The following SUMO3 variants were observed in gnomAD, a reference collection of about 807,000 sequenced individuals.
SUMO3 encodes the protein small ubiquitin like modifier 3, also known as small ubiquitin-related modifier 3.
Under a neutral mutation model 11.1 loss-of-function variants are expected in SUMO3, and 2 were observed. The ratio of observed to expected loss-of-function variants is 0.18; its 90% CI spans 0.07 to 0.57. The LOEUF is 0.57. Among genes scored for constraint, SUMO3 ranks in the 20% least tolerant of loss-of-function variants. The pLI is 0.92. For synonymous variants in SUMO3, 56 were observed against 53.5 expected, an observed-to-expected ratio of 1.05 and a Z score of -0.20; for missense variants, 70 against 132.8, an observed-to-expected ratio of 0.53 and a Z score of 2.32.
At position 44,810,530 on chromosome 21, in the gene SUMO3, G is replaced by C. The variant is rs1382007787; in HGVS notation, c.151-1412C>G. On this transcript the variant is annotated intron_variant, in intron 2 of 3. Transcript: ENST00000332859. The surrounding 1 kb of genome is among the most constrained non-coding windows in gnomAD (Gnocchi z 4.1). ...TGCTTTCTGAGAAGGTGGGTGCGGA[G>C]CTCCAGGCGCAGGGCGGAAACAGGC... Among the ~76,000 whole-genome samples the C allele has an allele frequency of 6.6e-6, 1 of 152,220 alleles. No individual in the cohort carries two copies. Among genetic ancestry groups the C allele is most frequent in the Non-Finnish European group, 1.5e-5 (1 of 68,038 alleles).
intron 1 of SUMO3, among the ~76,000 whole-genome samples, chr21:44,814,469 C>T (rs926850969): frequency 3.3e-5 from 5 of 152,202 alleles, no homozygotes; most frequent in East Asian, 1.9e-4. Context: ...TGGGAGTTGA[C>T]GTGGGAGGAT....
At position 44,811,500 on chromosome 21, in the gene SUMO3, G is replaced by A. The variant is rs546726779; in HGVS notation, c.151-2382C>T. Among the ~76,000 whole-genome samples the A allele has an allele frequency of 6.8e-4, 104 of 152,082 alleles. No homozygotes were observed. The highest frequency in any genetic ancestry group is 1.3e-3 in the Non-Finnish European group (90 of 67,984). ...GGTGGGAGGATCACTTGAGCCCCAG[G>A]GCTCAAGGCTGCAGTGAACCATGAT... On this transcript the variant is annotated intron_variant, in intron 2 of 3. Coordinates refer to ENST00000332859, the MANE Select transcript of SUMO3 (RefSeq NM_006936.3). The surrounding 1 kb of genome is among the most constrained non-coding windows in gnomAD (Gnocchi z 5.0).
intron 1 of SUMO3, among the ~76,000 whole-genome samples, chr21:44,816,838 A>G (rs758563955): frequency 1.3e-4 from 17 of 134,380 alleles, no homozygotes; most frequent in Non-Finnish European, 2.7e-4. Context: ...GGCGCAATGC[A>G]GAGAAGTGGG....
intron 2 of SUMO3, 93 bp from the exon 3 acceptor site, chr21:44,809,211 G>A (rs2083196012): frequency 1.6e-6 from 2 of 1,231,024 alleles, no homozygotes; most frequent in Non-Finnish European, 1.2e-6. Flanking sequence ...CCCTGGAGAG[G>A]AAAAGCAGTG....
intron 2 of SUMO3, among the ~76,000 whole-genome samples, chr21:44,813,174 C>T (rs1052028476): frequency 1.6e-4 from 25 of 152,226 alleles, no homozygotes; most frequent in African/African-American, 5.8e-4. Context: ...AATAAAAGGG[C>T]AACGAGTTGC....
rs930014446 is a variant in SUMO3, at chr21:44,810,333, C to G, written c.151-1215G>C. ...CTACTGAGGCGTGGACACTGGTGGT[C>G]TGATGGACACTGGACCAGGATCCTA... On this transcript the variant is annotated intron_variant, in intron 2 of 3. Transcript: ENST00000332859. This position sits in a 1 kb window ranked among gnomAD's most constrained non-coding sequence, Gnocchi z 4.1. Among the ~76,000 whole-genome samples, 1 of 152,196 alleles carries G rather than the reference C, an allele frequency of 6.6e-6. No individual in the cohort carries two copies. Among genetic ancestry groups the G allele is most frequent in the African/African-American group, 2.4e-5 (1 of 41,452 alleles).
intron 1 of SUMO3, 124 bp from the exon 2 acceptor site, chr21:44,814,228 T>C (rs1216345009): frequency 7.7e-7 from 1 of 1,302,322 alleles, no homozygotes; most frequent in African/African-American, 1.5e-5. Flanking sequence ...TTCTTAAAAT[T>C]CTCCAGCAAT....
In SUMO3 at chr21:44,810,119, G is replaced by A. The variant is rs748103023; in HGVS notation, c.151-1001C>T. Among the ~76,000 whole-genome samples, 5 of 152,142 alleles carry A rather than the reference G, an allele frequency of 3.3e-5. No individual in the cohort carries two copies. Among genetic ancestry groups the A allele is most frequent in the Admixed American group, 6.5e-5 (1 of 15,284 alleles). ...TGAGGGAATGGAGAAATGTGGTCAG[G>A]GGCAGAAACATTTCCTCAACGAGCA... On this transcript the variant is annotated intron_variant, in intron 2 of 3. Transcript: ENST00000332859. This position sits in a 1 kb window ranked among gnomAD's most constrained non-coding sequence, Gnocchi z 4.1.
At chr21:44,816,232 G>A (rs1397444615) in intron 1 of SUMO3, among the ~76,000 whole-genome samples, 1 of 152,200 alleles carries the variant, frequency 6.6e-6, no homozygotes. Flanking sequence ...TTAAGAGGAA[G>A]CCACCTACAA....
chr21:44,815,394 C>G (rs929825955), intron 1 of SUMO3, among the ~76,000 whole-genome samples: 3 of 152,276 alleles, frequency 2.0e-5, no homozygotes, highest in African/African-American at 4.8e-5. Context: ...GGTGCGTGTC[C>G]TGGGGCGGCA....
chr21:44,808,421 G>A lies in SUMO3; in HGVS notation c.222+626C>T, dbSNP rs539877522. Reference sequence around the variant, plus strand: ...CCAGCTACTTGGGAGGCTGAGGCAGGAGAATGGCGTGAACTCAGGAGGCAG... The same window carrying A: ...CCAGCTACTTGGGAGGCTGAGGCAGAAGAATGGCGTGAACTCAGGAGGCAG... On this transcript the variant is annotated intron_variant, in intron 3 of 3. Transcript: ENST00000332859. The A allele has an allele frequency of 9.5e-6, 11 of 1,152,088 alleles. No homozygotes were observed. The African/African-American group carries it at 1.1e-4, about 12-fold the overall frequency. The allele number at this position is 1,152,088 out of a possible 1,614,324, so 71.4% of individuals were successfully genotyped here. A position where few individuals can be genotyped will look rare whatever the true frequency, so the allele number is the denominator to read the frequency against.
rs923711341 is a variant in SUMO3, at chr21:44,807,204, T to C, written c.223-164A>G. ...TCCCCTCACTGCAGCTCAGCACGCA[T>C]GGAAGAGGCATTGCTGTATGCTCAC... is the stretch of plus-strand genomic sequence containing the variant. On this transcript the variant is annotated intron_variant, in intron 3 of 3. Coordinates refer to ENST00000332859, the MANE Select transcript of SUMO3 (RefSeq NM_006936.3). The surrounding 1 kb of genome is among the most constrained non-coding windows in gnomAD (Gnocchi z 4.3). 2.0e-5 allele frequency among the ~76,000 whole-genome samples: 3 copies of C among 152,156 alleles called. No homozygotes were observed. In the East Asian group the frequency reaches 5.8e-4, roughly 29 times the overall value.
chr21:44,815,130 C>T (rs2083236012), intron 1 of SUMO3, among the ~76,000 whole-genome samples: 2 of 152,246 alleles, frequency 1.3e-5, no homozygotes, highest in Admixed American at 1.3e-4. Flanking sequence ...AAGCACTGTA[C>T]ATCACACGCC....
At chr21:44,815,562 T>C (rs975309595) in intron 1 of SUMO3, among the ~76,000 whole-genome samples, 2 of 152,086 alleles carry the variant, frequency 1.3e-5, no homozygotes, top group African/African-American at 2.4e-5. Flanking sequence ...AGGAAGAGCA[T>C]GCAAACAGCT....
At chr21:44,817,692 C>A (rs561884767) in intron 1 of SUMO3, among the ~76,000 whole-genome samples, 3 of 149,976 alleles carry the variant, frequency 2.0e-5, no homozygotes, top group Admixed American at 2.0e-4. Flanking sequence ...CGCGCCTTCC[C>A]AGCTGGGGAG....
In SUMO3 at chr21:44,812,029, A is replaced by C. The variant is rs983104576; in HGVS notation, c.150+1947T>G. On this transcript the variant is annotated intron_variant, in intron 2 of 3. Coordinates refer to ENST00000332859, the MANE Select transcript of SUMO3 (RefSeq NM_006936.3). Reference sequence around the variant, plus strand: ...CCAAGTTACAAACAAAGCACAGAGAATCAGAATCCACTGAACTTCTCACCT... The same window carrying C: ...CCAAGTTACAAACAAAGCACAGAGACTCAGAATCCACTGAACTTCTCACCT... 2.0e-5 allele frequency among the ~76,000 whole-genome samples: 3 copies of C among 150,482 alleles called. 1 individual carries two copies. Among genetic ancestry groups the C allele is most frequent in the Non-Finnish European group, 4.4e-5 (3 of 67,738 alleles).
chr21:44,809,478 C>T (rs2017089), intron 2 of SUMO3, among the ~76,000 whole-genome samples: 15,793 of 152,184 alleles, frequency 0.1, 1,120 homozygotes, highest in Middle Eastern at 0.21. Flanking sequence ...TTCTTAAAGC[C>T]AAACCAGTGG....
At chr21:44,813,799 C>A in intron 2 of SUMO3, 177 bp downstream of exon 2, 1 of 1,504,886 alleles carries the variant, frequency 6.6e-7, no homozygotes, top group Non-Finnish European at 8.9e-7. Context: ...CCATGGGGGA[C>A]AAGCCCAGCC....
rs1323063817 is a variant in SUMO3 at position 44,806,685 on chromosome 21, A to T, written c.*266T>A. On this transcript the variant is annotated 3_prime_UTR_variant, in exon 4 of 4. Transcript: ENST00000332859. ...AAAAATGTTGTAGGAGGGGGGGAAAACACAAATGAGCACACAAAAGTACCC... is the reference window on the plus strand; with the variant it reads ...AAAAATGTTGTAGGAGGGGGGGAAATCACAAATGAGCACACAAAAGTACCC... The T allele has an allele frequency of 3.7e-6, 3 of 801,856 alleles. No homozygotes were observed. The highest frequency in any genetic ancestry group is 3.7e-5 in the East Asian group (1 of 26,896). The allele number at this position is 801,856 out of a possible 1,614,324, so 49.7% of individuals were successfully genotyped here. A position where few individuals can be genotyped will look rare whatever the true frequency, so the allele number is the denominator to read the frequency against.
Sources: allele counts gnomAD v4.1 joint callset (sites outside exome capture counted in the v4.1 genomes callset), GRCh38; gene constraint gnomAD v4.1.1; non-coding constraint Gnocchi (gnomAD v3.1); transcripts MANE v1.5; gene names NCBI Gene and HGNC (gene_info 2026-07-23, HGNC 2026-07-21).